XPO4: variants seen among roughly 807,000 people sequenced by gnomAD.
The protein encoded by XPO4 is exportin 4, also known as exportin-4.
A neutral mutation model predicts 143.0 loss-of-function variants in XPO4; 39 were observed. The observed-to-expected ratio is 0.27, with a 90% CI of 0.21 to 0.36. The LOEUF is 0.36. XPO4 is among the 10% of genes least tolerant of loss of function. XPO4 has a pLI of 1.00. For synonymous variants in XPO4, 439 were observed against 474.0 expected, an observed-to-expected ratio of 0.93 and a Z score of 0.96; for missense variants, 907 against 1,348.0, an observed-to-expected ratio of 0.67 and a Z score of 5.12.
At chr13:20,799,460 A>C (rs976743533) in intron 15 of XPO4, 121 bp from the exon 16 acceptor site, 1 of 840,490 alleles carries the variant, frequency 1.2e-6, no homozygotes, top group Non-Finnish European at 1.7e-6. Flanking sequence ...GTTAAAGCAA[A>C]GTACAGTAAA....
chr13:20,898,554 C>T (rs2060590346), intron 1 of XPO4, among the ~76,000 whole-genome samples: 7 of 151,630 alleles, frequency 4.6e-5, no homozygotes, highest in Admixed American at 4.6e-4. Context: ...AAGAGTAAGA[C>T]TGTCTCAAAA....
intron 2 of XPO4, among the ~76,000 whole-genome samples, chr13:20,866,710 A>G (rs1167141185): frequency 6.6e-6 from 1 of 152,250 alleles, no homozygotes; most frequent in Non-Finnish European, 1.5e-5. Flanking sequence ...AAGCATGGCC[A>G]GAACTAGCAA....
rs2137886627 is a variant in XPO4 at position 20,808,424 on chromosome 13, C to T, written c.1639+12G>A. 1 of 1,501,604 alleles carries T rather than the reference C, an allele frequency of 6.7e-7. No homozygotes were observed. Among genetic ancestry groups the T allele is most frequent in the Admixed American group, 1.8e-5 (1 of 55,110 alleles). 93.0% of individuals were successfully genotyped at this position (1,501,604 alleles called of 1,614,324 possible). ...TTGGCAATTACATTTTAAAAAGAAA[C>T]CACCAACCAACCTGTAACTAAAATA... On this transcript the variant is annotated intron_variant, in intron 12 of 22. Coordinates refer to ENST00000255305, the MANE Select transcript of XPO4 (RefSeq NM_022459.5).
rs887901371 is a variant in XPO4, at chr13:20,888,807, C to CT, written c.69+13862dup. 9.0e-3 allele frequency among the ~76,000 whole-genome samples: 1,296 copies of CT among 144,428 alleles called. 7 individuals carry two copies. Among genetic ancestry groups the CT allele is most frequent in the African/African-American group, 0.019 (760 of 39,868 alleles). 94.8% of individuals were successfully genotyped at this position (144,428 alleles called of 152,430 possible). ...GTCAGAGGATGAAGGCAAAAAGACA[C>CT]TTTTTTTTTTTTTTGAGACAGTTTC... On this transcript the variant is annotated intron_variant, in intron 1 of 22. Transcript: ENST00000255305.
intron 4 of XPO4, chr13:20,850,944 G>C: frequency 2.0e-6 from 2 of 985,354 alleles, no homozygotes; most frequent in Non-Finnish European, 2.4e-6. Flanking sequence ...TTCATCTACA[G>C]AAAACCTTTA....
intron 13 of XPO4, among the ~76,000 whole-genome samples, chr13:20,807,098 T>C (rs1266477915): frequency 6.6e-6 from 1 of 152,206 alleles, no homozygotes; most frequent in Non-Finnish European, 1.5e-5. Flanking sequence ...ACGATACTTG[T>C]TGACGTTCAT....
chr13:20,878,588 C>T (rs2060377165), intron 1 of XPO4, among the ~76,000 whole-genome samples: 1 of 152,086 alleles, frequency 6.6e-6, no homozygotes, highest in African/African-American at 2.4e-5. Context: ...ATGTACAATA[C>T]ACCATTTATA....
At chr13:20,868,500 G>A in intron 2 of XPO4, 96 bp downstream of exon 2, 1 of 1,451,366 alleles carries the variant, frequency 6.9e-7, no homozygotes, top group Non-Finnish European at 9.0e-7. Context: ...CACAAACCAG[G>A]TTTTTAAAAA....
At chr13:20,819,001 T>G (rs2059685690) in intron 9 of XPO4, among the ~76,000 whole-genome samples, 1 of 152,010 alleles carries the variant, frequency 6.6e-6, no homozygotes, top group Non-Finnish European at 1.5e-5. Context: ...TTTATATTTT[T>G]AAGTAGAGAA....
intron 13 of XPO4, among the ~76,000 whole-genome samples, chr13:20,802,010 T>A (rs1397422267): frequency 2.0e-5 from 3 of 152,154 alleles, no homozygotes; most frequent in African/African-American, 7.2e-5. Flanking sequence ...TCTCCTGAAC[T>A]TCTTCTTTAA....
At chr13:20,889,681 G>A (rs1002201892) in intron 1 of XPO4, among the ~76,000 whole-genome samples, 16 of 152,144 alleles carry the variant, frequency 1.1e-4, no homozygotes, top group African/African-American at 2.9e-4. Flanking sequence ...TAATCTCATT[G>A]ACAGTCATTA....
At chr13:20,827,991 A>G (rs1321191819) in intron 6 of XPO4, among the ~76,000 whole-genome samples, 2 of 152,186 alleles carry the variant, frequency 1.3e-5, no homozygotes, top group African/African-American at 4.8e-5. Context: ...TAATCTCCAC[A>G]TTTTGGGAGG....
At chr13:20,854,309 G>A (rs565514029) in intron 4 of XPO4, among the ~76,000 whole-genome samples, 18 of 152,248 alleles carry the variant, frequency 1.2e-4, no homozygotes, top group African/African-American at 4.1e-4. Context: ...GCATAGCTGT[G>A]TGCGGTGAAA....
intron 22 of XPO4, 135 bp downstream of exon 22, chr13:20,786,830 C>T (rs1231184351): frequency 3.4e-6 from 2 of 587,652 alleles, no homozygotes; most frequent in African/African-American, 1.9e-5. Context: ...CTAAGAAATA[C>T]TTCCTCACTG....
chr13:20,861,777 CTTTTTTTTTTTTT>C (rs71200306), intron 3 of XPO4, among the ~76,000 whole-genome samples: 1 of 73,442 alleles, frequency 1.4e-5, no homozygotes, highest in South Asian at 6.6e-4. Context: ...ACATTTCTCT[CTTTTTTTTTTTTT>C]TTTTTTTTTT....
chr13:20,796,872 G>A lies in XPO4; in HGVS notation c.2508C>T (p.Thr836=). 1.2e-6 allele frequency: 2 copies of A among 1,614,030 alleles called. No homozygotes were observed. The highest frequency in any genetic ancestry group is 1.7e-5 in the Admixed American group (1 of 59,996). Residue 836 remains threonine, a synonymous_variant, in exon 17 of 23, where the codon ACC becomes ACT. Transcript: ENST00000255305. ...AAACTTCCATCAATCCAATGCAATT[G>A]GTAAGGAAGTCCATTAAAAAATTAA... ...ILFNFLMDFL[T]NCIGLMEVYK... is the part of the protein sequence containing the mutation.
intron 1 of XPO4, among the ~76,000 whole-genome samples, chr13:20,874,572 TTC>T (rs1256342143): frequency 1.3e-5 from 2 of 152,116 alleles, no homozygotes; most frequent in Non-Finnish European, 2.9e-5. Flanking sequence ...CTATTTCTCT[TTC>T]TCTCTCTCTT....
chr13:20,859,928 T>C (rs2060180914), intron 3 of XPO4: 1 of 860,812 alleles, frequency 1.2e-6, no homozygotes, highest in South Asian at 5.3e-5. Flanking sequence ...GGTTCTCAGG[T>C]TGGGGAATGG....
rs767320660 is a variant in XPO4, at chr13:20,799,200, T to A, written c.2287A>T (p.Met763Leu). 2 of 1,611,842 alleles carry A rather than the reference T, an allele frequency of 1.2e-6. No homozygotes were observed. Among genetic ancestry groups the A allele is most frequent in the South Asian group, 2.2e-5 (2 of 90,864 alleles). The change falls in exon 16 of 23, where the codon ATG becomes TTG. Residue 763 changes from methionine to leucine, a missense_variant. Coordinates refer to ENST00000255305, the MANE Select transcript of XPO4 (RefSeq NM_022459.5). ...KALVLGGFAH[M>L]DTETKQQYWT... ...TACTGCTGTTTGGTTTCTGTGTCCATATGTGCAAAACCTCCTAAGACTAGA... is the reference window on the plus strand; with the variant it reads ...TACTGCTGTTTGGTTTCTGTGTCCAAATGTGCAAAACCTCCTAAGACTAGA...
Sources: gnomAD v4.1 joint callset for allele counts (sites outside exome capture counted in the v4.1 genomes callset) on GRCh38, gnomAD v4.1.1 for gene constraint, MANE v1.5 for transcripts, NCBI Gene and HGNC (gene_info 2026-07-23, HGNC 2026-07-21) for gene names.